Variants in DNAH3 observed in about 807,000 individuals in gnomAD.
DNAH3 encodes dynein axonemal heavy chain 3.
In DNAH3, 332 loss-of-function variants were observed where a neutral mutation model predicts 432.5. The ratio of observed to expected loss-of-function variants is 0.77; its 90% confidence interval spans 0.70 to 0.84. DNAH3 has a LOEUF of 0.84. Ranked by LOEUF, DNAH3 falls within the 40% of genes least tolerant of loss-of-function variation. The pLI, the probability that DNAH3 is intolerant of heterozygous loss-of-function variation, is 0.00. For synonymous variants in DNAH3, 1,956 were observed against 1,900.2 expected, an observed-to-expected ratio of 1.03 and a Z score of -0.76; for missense variants, 4,861 against 5,114.0, an observed-to-expected ratio of 0.95 and a Z score of 1.51.
intron 55 of DNAH3, among the ~76,000 whole-genome samples, chr16:20,953,798 G>A (rs1447989371): frequency 6.6e-6 from 1 of 150,584 alleles, no homozygotes; most frequent in African/African-American, 2.4e-5. Flanking sequence ...AGTTTGGAGT[G>A]CAGTGGCACA....
chr16:21,082,354 C>T (rs2091218088), intron 19 of DNAH3, among the ~76,000 whole-genome samples: 2 of 152,254 alleles, frequency 1.3e-5, no homozygotes, highest in East Asian at 1.9e-4. Context: ...CCATGCCTGG[C>T]TAACCTTTTT....
At chr16:21,145,236 T>C (rs781230936) in exon 3 of DNAH3, 6 of 1,613,418 alleles carry the variant, frequency 3.7e-6, no homozygotes, top group Admixed American at 3.3e-5. Flanking sequence ...TGGTGGCCGG[T>C]TGGTAGACCT....
chr16:20,984,161 A>ATGTGTG (rs61445558), intron 48 of DNAH3, among the ~76,000 whole-genome samples: 3,807 of 150,694 alleles, frequency 0.025, 62 homozygotes, highest in Non-Finnish European at 0.037. Flanking sequence ...CCTTATCCCA[A>ATGTGTG]TGTGTGTGTG....
At chr16:21,003,327 C>T (rs138753688) in intron 41 of DNAH3, 120 bp from the exon 42 acceptor site, 5 of 645,658 alleles carry the variant, frequency 7.7e-6, no homozygotes, top group Non-Finnish European at 1.3e-5. Flanking sequence ...CCAGTACTGG[C>T]ATAGTTGTGG....
At chr16:21,063,225 T>C (rs2090425201) in intron 24 of DNAH3, among the ~76,000 whole-genome samples, 1 of 152,178 alleles carries the variant, frequency 6.6e-6, no homozygotes, top group Admixed American at 6.5e-5. Flanking sequence ...ACAGTCCCAT[T>C]GTCCAGAGAT....
exon 53 of DNAH3, chr16:20,963,720 A>G (rs2084924885): frequency 6.2e-7 from 1 of 1,614,000 alleles, no homozygotes; most frequent in Non-Finnish European, 8.5e-7. Flanking sequence ...CCTCCTCCGT[A>G]ATTTCCTTCT....
chr16:21,065,086 A>G (rs2090497838), intron 24 of DNAH3, among the ~76,000 whole-genome samples: 1 of 152,180 alleles, frequency 6.6e-6, no homozygotes, highest in African/African-American at 2.4e-5. Context: ...TATTACAAAG[A>G]TTAAATTAGT....
intron 19 of DNAH3, among the ~76,000 whole-genome samples, chr16:21,082,443 C>A (rs914820245): frequency 3.9e-5 from 6 of 152,132 alleles, no homozygotes; most frequent in African/African-American, 1.4e-4. Context: ...CTCAAGCAAT[C>A]CTCGCACCTT....
At chr16:20,992,981 T>G (rs1054211578) in intron 44 of DNAH3, among the ~76,000 whole-genome samples, 1 of 152,194 alleles carries the variant, frequency 6.6e-6, no homozygotes, top group Non-Finnish European at 1.5e-5. Context: ...TTCTCATGTT[T>G]CAGCCTCCTG....
At chr16:21,045,980 C>T (rs1221794911) in intron 31 of DNAH3, among the ~76,000 whole-genome samples, 11 of 151,536 alleles carry the variant, frequency 7.3e-5, no homozygotes, top group Middle Eastern at 3.4e-3. Flanking sequence ...TGTAGTTGAG[C>T]GGTTTTGAGT....
chr16:21,086,932 T>G, exon 19 of DNAH3: 2 of 1,614,204 alleles, frequency 1.2e-6, no homozygotes, highest in Non-Finnish European at 1.7e-6. Flanking sequence ...TCGATCTTGA[T>G]CTTCACATTC....
chr16:21,119,175 T>C (rs1045573813), intron 11 of DNAH3, among the ~76,000 whole-genome samples: 2 of 152,118 alleles, frequency 1.3e-5, no homozygotes, highest in Admixed American at 1.3e-4. Flanking sequence ...GGCAGCACAA[T>C]TGGTGCCCCC....
chr16:21,122,798 C>T (rs1259081995), intron 9 of DNAH3, among the ~76,000 whole-genome samples: 4 of 151,340 alleles, frequency 2.6e-5, no homozygotes, highest in African/African-American at 9.7e-5. Context: ...TTTCTACTTC[C>T]TCTGTTTTTT....
chr16:21,142,249 C>T (rs1054773868), intron 3 of DNAH3, among the ~76,000 whole-genome samples: 3 of 151,990 alleles, frequency 2.0e-5, no homozygotes, highest in Non-Finnish European at 4.4e-5. Flanking sequence ...CGCCTGTAAT[C>T]CCAGCTACTC....
At chr16:20,933,408 G>C (rs777985414) in exon 62 of DNAH3, 6 of 1,614,060 alleles carry the variant, frequency 3.7e-6, no homozygotes, top group Non-Finnish European at 3.4e-6. Context: ...TCCCCAATCT[G>C]CATCGTTTTC....
intron 44 of DNAH3, among the ~76,000 whole-genome samples, chr16:20,991,034 AAAAAACAAAACAAAAC>A (rs1432403863): frequency 6.6e-6 from 1 of 151,962 alleles, no homozygotes; most frequent in Non-Finnish European, 1.5e-5. Flanking sequence ...ACAAACAAAC[AAAAAACAAAACAAAAC>A]AAAAACAAAA....
chr16:20,984,338 G>C (rs2086080153), intron 48 of DNAH3, among the ~76,000 whole-genome samples: 1 of 152,134 alleles, frequency 6.6e-6, no homozygotes, highest in Non-Finnish European at 1.5e-5. Context: ...AGGTGAGCCT[G>C]GGTAAAAGGA....
exon 4 of DNAH3, chr16:21,141,353 C>G (rs1039680513): frequency 6.3e-7 from 1 of 1,589,486 alleles, no homozygotes; most frequent in African/African-American, 1.3e-5. Context: ...TCCTCATGGG[C>G]TCTGATGAGC....
chr16:21,082,780 A>G (rs1010850618), intron 19 of DNAH3, among the ~76,000 whole-genome samples: 1 of 151,420 alleles, frequency 6.6e-6, no homozygotes, highest in Non-Finnish European at 1.5e-5. Context: ...ATCAGCCGAG[A>G]TCGCACCACT....
Sources: gnomAD v4.1 joint callset for allele counts (sites outside exome capture counted in the v4.1 genomes callset) on GRCh38, gnomAD v4.1.1 for gene constraint, MANE v1.5 for transcripts, NCBI Gene and HGNC (gene_info 2026-07-23, HGNC 2026-07-21) for gene names.